Variants in SORCS1 observed in about 807,000 individuals in gnomAD.
SORCS1 encodes VPS10 domain-containing receptor SorCS1.
Under a neutral mutation model 146.1 loss-of-function variants are expected in SORCS1, and 60 were observed. The ratio of observed to expected loss-of-function variants is 0.41; its 90% CI spans 0.33 to 0.51. The LOEUF (loss-of-function observed/expected upper bound fraction) is 0.51, where lower values mean the gene tolerates loss of function less well. Among genes scored for constraint, SORCS1 ranks in the 20% least tolerant of loss-of-function variants. The pLI, the probability that SORCS1 is intolerant of heterozygous loss-of-function variation, is 0.21. For missense variants in SORCS1, 1,352 were observed against 1,487.6 expected (o/e 0.91, Z 1.50); for synonymous variants, 637 against 584.0 (o/e 1.09, Z -1.31).
chr10:106,982,634 T>A (rs1006917691), intron 1 of SORCS1, among the ~76,000 whole-genome samples: 5 of 152,192 alleles, frequency 3.3e-5, no homozygotes, highest in African/African-American at 9.6e-5. Flanking sequence ...CAAACTCTGT[T>A]GCCTTGTTTT....
At chr10:107,179,676 G>A in the SORCS1 span, among the ~76,000 whole-genome samples, 1 of 151,994 alleles carries the variant, frequency 6.6e-6, no homozygotes, top group Non-Finnish European at 1.5e-5. Context: ...TTCTCTTATG[G>A]ATAATAACTT....
intron 2 of SORCS1, among the ~76,000 whole-genome samples, chr10:106,879,888 T>C (rs552399871): frequency 5.1e-4 from 77 of 152,332 alleles, no homozygotes; most frequent in Admixed American, 2.3e-3. Context: ...TACCTTAACA[T>C]CAGCCTTGTG....
chr10:106,864,498 C>A (rs1589584091), intron 2 of SORCS1, among the ~76,000 whole-genome samples: 2 of 152,268 alleles, frequency 1.3e-5, no homozygotes, highest in East Asian at 1.9e-4. Flanking sequence ...GACGTGGGAA[C>A]CTTAGATACT....
chr10:106,992,920 C>T (rs1956832047), intron 1 of SORCS1, among the ~76,000 whole-genome samples: 1 of 148,308 alleles, frequency 6.7e-6, no homozygotes, highest in East Asian at 2.0e-4. Context: ...CAACCTCTGC[C>T]TCCCTGGTTC....
chr10:106,839,359 G>T (rs1948922560), intron 2 of SORCS1, among the ~76,000 whole-genome samples: 1 of 152,176 alleles, frequency 6.6e-6, no homozygotes, highest in South Asian at 2.1e-4. Flanking sequence ...GGTCTGGCTA[G>T]AAGATCAAAC....
At chr10:106,936,425 T>C (rs528647679) in intron 2 of SORCS1, among the ~76,000 whole-genome samples, 13 of 152,294 alleles carry the variant, frequency 8.5e-5, no homozygotes, top group Non-Finnish European at 1.6e-4. Context: ...GCAGGCTTTT[T>C]CCTAACCCTA....
chr10:107,158,326 G>A (rs189314182), intron 1 of SORCS1, among the ~76,000 whole-genome samples: 45 of 152,154 alleles, frequency 3.0e-4, no homozygotes, highest in East Asian at 1.2e-3. Context: ...TAAAACTTTC[G>A]TTAAACATAG....
intron 2 of SORCS1, among the ~76,000 whole-genome samples, chr10:106,895,096 G>A (rs1158584571): frequency 6.6e-6 from 1 of 152,152 alleles, no homozygotes; most frequent in Non-Finnish European, 1.5e-5. Flanking sequence ...TCATCTGTCA[G>A]ATGAGTGCTA....
intron 2 of SORCS1, among the ~76,000 whole-genome samples, chr10:106,836,830 G>C (rs1402162520): frequency 6.6e-6 from 1 of 152,156 alleles, no homozygotes; most frequent in Non-Finnish European, 1.5e-5. Flanking sequence ...TCCTGTGAAG[G>C]CTGAAAATAT....
chr10:107,090,234 C>G (rs1233442846), intron 1 of SORCS1, among the ~76,000 whole-genome samples: 1 of 152,182 alleles, frequency 6.6e-6, no homozygotes, highest in Non-Finnish European at 1.5e-5. Context: ...TTATGCATCC[C>G]TAAAGAGAAC....
intron 4 of SORCS1, among the ~76,000 whole-genome samples, chr10:106,772,713 T>TGGGATACATA (rs1860120131): frequency 6.6e-6 from 1 of 152,196 alleles, no homozygotes; most frequent in Admixed American, 6.5e-5. Context: ...CCCATAGGAC[T>TGGGATACATA]GATATCCAGT....
At chr10:106,673,841 A>T (rs900661905) in intron 14 of SORCS1, among the ~76,000 whole-genome samples, 1 of 152,194 alleles carries the variant, frequency 6.6e-6, no homozygotes, top group Admixed American at 6.5e-5. Flanking sequence ...TACCAACCAT[A>T]GGTTTGAAGA....
chr10:107,160,622 C>A (rs1330978883), intron 1 of SORCS1, among the ~76,000 whole-genome samples: 1 of 152,110 alleles, frequency 6.6e-6, no homozygotes, highest in Admixed American at 6.5e-5. Context: ...AAATAGAAGT[C>A]AAGTAAAACC....
intron 1 of SORCS1, among the ~76,000 whole-genome samples, chr10:107,021,339 C>T (rs1302891610): frequency 4.6e-5 from 7 of 151,384 alleles, no homozygotes; most frequent in African/African-American, 1.2e-4. Context: ...GGTGAAACCC[C>T]GTCTCTACTA....
intron 1 of SORCS1, among the ~76,000 whole-genome samples, chr10:107,086,433 C>A (rs1006965509): frequency 6.6e-6 from 1 of 152,072 alleles, no homozygotes. Flanking sequence ...CTAAAATTAT[C>A]CTATATTGCT....
intron 6 of SORCS1, among the ~76,000 whole-genome samples, chr10:106,711,268 A>G (rs1399094144): frequency 6.6e-6 from 1 of 152,164 alleles, no homozygotes; most frequent in Non-Finnish European, 1.5e-5. Flanking sequence ...ATGCTTAATG[A>G]GTAGGTGGGT....
At chr10:106,981,343 T>C (rs1956239014) in intron 1 of SORCS1, among the ~76,000 whole-genome samples, 1 of 152,190 alleles carries the variant, frequency 6.6e-6, no homozygotes. Flanking sequence ...TGAATTCTAG[T>C]GCAATTGTGA....
At chr10:106,986,269 T>A (rs1398237720) in intron 1 of SORCS1, among the ~76,000 whole-genome samples, 2 of 152,080 alleles carry the variant, frequency 1.3e-5, no homozygotes, top group Non-Finnish European at 2.9e-5. Flanking sequence ...CATACATATG[T>A]ACAGCAAATA....
intron 21 of SORCS1, among the ~76,000 whole-genome samples, chr10:106,616,871 T>C (rs1262979989): frequency 1.3e-5 from 2 of 151,734 alleles, no homozygotes; most frequent in Admixed American, 1.3e-4. Context: ...AATTATCTCA[T>C]CAAAATCAAC....
Sources: allele counts gnomAD v4.1 joint callset (sites outside exome capture counted in the v4.1 genomes callset), GRCh38; gene constraint gnomAD v4.1.1; transcripts MANE v1.5; gene names NCBI Gene and HGNC (gene_info 2026-07-23, HGNC 2026-07-21).